Variants in GSE1 observed in about 807,000 individuals in gnomAD.
GSE1 encodes genetic suppressor element 1.
Under a neutral mutation model 112.6 loss-of-function variants are expected in GSE1, and 32 were observed. That is an observed-to-expected ratio of 0.28 (90% CI 0.21 to 0.38). The LOEUF is 0.38. Among genes scored for constraint, GSE1 ranks in the 10% least tolerant of loss-of-function variants. The pLI is 1.00. For synonymous variants in GSE1, 1,115 were observed against 735.6 expected (o/e 1.52, Z -8.35); for missense variants, 2,348 against 1,699.2 (o/e 1.38, Z -6.71).
At chr16:85,627,044 CTTTTTTTTTTTTTTTTTTTTTTTTTT>C (rs564272210) in intron 1 of GSE1, among the ~76,000 whole-genome samples, 2 of 25,060 alleles carry the variant, frequency 8.0e-5, no homozygotes, top group Non-Finnish European at 1.4e-4. Flanking sequence ...TTCTTCTTGC[CTTTTTTTTTTTTTTTTTTTTTTTTTT>C]TTTTTTAAAG....
At chr16:85,320,529 A>T (rs1426583631) in intron 1 of GSE1, among the ~76,000 whole-genome samples, 1 of 152,146 alleles carries the variant, frequency 6.6e-6, no homozygotes, top group African/African-American at 2.4e-5. Flanking sequence ...ACCTGGGCTC[A>T]AGTGATCCTT....
intron 2 of GSE1, among the ~76,000 whole-genome samples, chr16:85,524,936 C>A (rs2052314360): frequency 6.6e-6 from 1 of 152,198 alleles, no homozygotes; most frequent in Non-Finnish European, 1.5e-5. Flanking sequence ...GTGAGCCCAG[C>A]AGGATTAAAC....
chr16:85,397,894 G>A (rs2151662348), intron 2 of GSE1, among the ~76,000 whole-genome samples: 1 of 146,616 alleles, frequency 6.8e-6, no homozygotes, highest in South Asian at 2.3e-4. Context: ...AAGCAAATGA[G>A]CCCCGCAGAC....
At chr16:85,189,223 T>G (rs2074773094) in intron 1 of GSE1, among the ~76,000 whole-genome samples, 1 of 152,252 alleles carries the variant, frequency 6.6e-6, no homozygotes, top group South Asian at 2.1e-4. Flanking sequence ...ACCTAGACAC[T>G]TATCTGTATG....
chr16:85,336,345 C>G (rs2046483368), intron 1 of GSE1, among the ~76,000 whole-genome samples: 2 of 152,254 alleles, frequency 1.3e-5, no homozygotes, highest in Admixed American at 1.3e-4. Flanking sequence ...ATGGCCCAGA[C>G]TTTGCTCAAG....
intron 10 of GSE1, 64 bp from the exon 11 acceptor site, chr16:85,663,280 C>CGGGACAGT (rs2052580495): frequency 6.4e-7 from 1 of 1,563,436 alleles, no homozygotes; most frequent in Non-Finnish European, 8.7e-7. Flanking sequence ...GAGGGGACCC[C>CGGGACAGT]GGGACAGTGC....
intron 2 of GSE1, among the ~76,000 whole-genome samples, chr16:85,544,634 T>C (rs16975739): frequency 0.08 from 12,198 of 152,256 alleles, 547 homozygotes; most frequent in Middle Eastern, 0.14. Flanking sequence ...CACATCTTGT[T>C]GGCCAGAGGG....
intron 1 of GSE1, among the ~76,000 whole-genome samples, chr16:85,187,156 G>A (rs1456797483): frequency 6.6e-6 from 1 of 152,234 alleles, no homozygotes; most frequent in Non-Finnish European, 1.5e-5. Context: ...CAGCTGCCTG[G>A]CAGGCTCTGT....
rs11863763 is a variant in GSE1, at chr16:85,244,969, C to T, written c.2283+73162C>T. Among the ~76,000 whole-genome samples the T allele has an allele frequency of 2.6e-3, 372 of 143,326 alleles. 4 individuals carry two copies. The highest frequency in any genetic ancestry group is 9.1e-3 in the African/African-American group (349 of 38,440). The allele number at this position is 143,326 out of a possible 152,430, so 94.0% of individuals were successfully genotyped here. Reference sequence around the variant, plus strand: ...TCGTGCCACTGTACTCCAGCCTGGGCAACAGAGTGAGACTTCATCTCAAAA... The same window carrying T: ...TCGTGCCACTGTACTCCAGCCTGGGTAACAGAGTGAGACTTCATCTCAAAA... On this transcript the variant is annotated intron_variant, in intron 1 of 2. Transcript: ENST00000637419.
chr16:85,188,267 ACCGT>A (rs2074749346), intron 1 of GSE1, among the ~76,000 whole-genome samples: 1 of 126,686 alleles, frequency 7.9e-6, no homozygotes, highest in Non-Finnish European at 1.7e-5. Flanking sequence ...CTGCTGCCTG[ACCGT>A]CTGTCTGCGG....
chr16:85,351,049 C>T (rs542446449), intron 1 of GSE1, among the ~76,000 whole-genome samples: 2 of 152,084 alleles, frequency 1.3e-5, no homozygotes, highest in African/African-American at 4.8e-5. Context: ...CAAGGTGCCA[C>T]TCTCATTGTA....
At chr16:85,212,208 C>A (rs1282673131) in intron 1 of GSE1, among the ~76,000 whole-genome samples, 1 of 152,178 alleles carries the variant, frequency 6.6e-6, no homozygotes, top group Non-Finnish European at 1.5e-5. Flanking sequence ...GAGATCGAGA[C>A]CAGCCTGGCC....
At chr16:85,396,751 G>C (rs904061139) in intron 2 of GSE1, among the ~76,000 whole-genome samples, 2 of 152,258 alleles carry the variant, frequency 1.3e-5, no homozygotes, top group Admixed American at 1.3e-4. Context: ...ACTTGACCCA[G>C]GAGTGGGTGA....
At chr16:85,472,873 G>A (rs1384888240) in intron 2 of GSE1, among the ~76,000 whole-genome samples, 1 of 152,256 alleles carries the variant, frequency 6.6e-6, no homozygotes, top group African/African-American at 2.4e-5. Context: ...AGGGGCTGCA[G>A]CCTCTCCTGG....
intron 1 of GSE1, among the ~76,000 whole-genome samples, chr16:85,614,269 C>G (rs1270776235): frequency 6.6e-6 from 1 of 152,132 alleles, no homozygotes; most frequent in Non-Finnish European, 1.5e-5. Context: ...GCGAGTGGCC[C>G]GACCGAGTGG....
rs1904276677 is a variant in GSE1, at chr16:85,230,702, CG to C, written c.2283+58899del. Among the ~76,000 whole-genome samples the C allele has an allele frequency of 3.3e-5, 5 of 152,232 alleles. No individual in the cohort carries two copies. The South Asian group carries it at 1.0e-3, about 32-fold the overall frequency. On this transcript the variant is annotated intron_variant, in intron 1 of 2. Transcript: ENST00000637419. ...AGGGCAGATTATGACTGGCCTACCC[CG>C]GGGCACATGCCGTGTGTATAAAGGG...
chr16:85,418,288 G>C (rs2048749547), intron 2 of GSE1, among the ~76,000 whole-genome samples: 1 of 152,246 alleles, frequency 6.6e-6, no homozygotes. Flanking sequence ...CAAAGTCACA[G>C]AGGTGGGGCT....
chr16:85,402,692 C>T (rs571214894), intron 2 of GSE1, among the ~76,000 whole-genome samples: 2 of 152,250 alleles, frequency 1.3e-5, no homozygotes, highest in East Asian at 1.9e-4. Context: ...GAGGCTGAGG[C>T]GGGAGGTTCA....
At chr16:85,586,383 TGCC>T (rs1307520267) in intron 1 of GSE1, among the ~76,000 whole-genome samples, 3 of 152,188 alleles carry the variant, frequency 2.0e-5, no homozygotes, top group African/African-American at 7.2e-5. Flanking sequence ...GGTTCCCGAG[TGCC>T]GAGTGCCGGG....
Sources: allele counts gnomAD v4.1 joint callset (sites outside exome capture counted in the v4.1 genomes callset), GRCh38; gene constraint gnomAD v4.1.1; transcripts MANE v1.5; gene names NCBI Gene and HGNC (gene_info 2026-07-23, HGNC 2026-07-21).